Variants in ITPR3 observed in about 807,000 individuals in gnomAD.
The protein encoded by ITPR3 is inositol 1,4,5-trisphosphate receptor type 3.
ITPR3 carries 173 observed loss-of-function variants against 293.2 expected under a neutral mutation model. The observed-to-expected ratio is 0.59, with a 90% CI of 0.52 to 0.67. ITPR3 has a LOEUF of 0.67. Among genes scored for constraint, ITPR3 ranks in the 30% least tolerant of loss-of-function variants. The probability of loss-of-function intolerance (pLI) is 0.00; values close to 1 mark genes in which losing one functional copy is unlikely to be tolerated. For missense variants in ITPR3, 2,796 were observed against 3,592.1 expected (o/e 0.78, Z 5.66); for synonymous variants, 1,295 against 1,444.4 (o/e 0.90, Z 2.35).
In ITPR3 at chr6:33,672,836, A is replaced by G. The variant is rs1764804254; in HGVS notation, c.2928+608A>G. Among the ~76,000 whole-genome samples, 1 of 152,120 alleles carries G rather than the reference A, an allele frequency of 6.6e-6. No homozygotes were observed. The highest frequency in any genetic ancestry group is 1.5e-5 in the Non-Finnish European group (1 of 68,020). On this transcript the variant is annotated intron_variant, in intron 22 of 57. Transcript: ENST00000605930. This position sits in a 1 kb window ranked among gnomAD's most constrained non-coding sequence, Gnocchi z 5.0. ...GAGATTTAAGAACCTATTTCTTGGC[A>G]AGGTGGATGCAGTCATCCCTGTTGT...
intron 2 of ITPR3, among the ~76,000 whole-genome samples, chr6:33,640,846 TTGTC>T (rs1237597982): frequency 1.3e-5 from 2 of 152,242 alleles, no homozygotes; most frequent in African/African-American, 4.8e-5. Flanking sequence ...AGGGCTTTCT[TTGTC>T]TGTGTGACTG....
intron 56 of ITPR3, chr6:33,694,672 C>A (rs149898410): frequency 5.8e-6 from 3 of 517,148 alleles, no homozygotes; most frequent in Non-Finnish European, 1.0e-5. Context: ...GCAAAGGACT[C>A]AAACTCAGCT....
At position 33,687,708 on chromosome 6, in the gene ITPR3, T is replaced by G. The variant is rs1271604207; in HGVS notation, c.6264+144T>G. 4 of 698,638 alleles carry G rather than the reference T, an allele frequency of 5.7e-6. No individual in the cohort carries two copies. Among genetic ancestry groups the G allele is most frequent in the Non-Finnish European group, 9.7e-6 (4 of 411,792 alleles). 43.3% of individuals were successfully genotyped at this position (698,638 alleles called of 1,614,324 possible). A position where few individuals can be genotyped will look rare whatever the true frequency, so the allele number is the denominator to read the frequency against. ...TGGGGGTACAGCTCAGGGGGCTGAT[T>G]GGGACTGGCAGCCGTGGGTGAAACC... On this transcript the variant is annotated intron_variant, in intron 46 of 57. Coordinates refer to ENST00000605930, the MANE Select transcript of ITPR3 (RefSeq NM_002224.4). This position sits in a 1 kb window ranked among gnomAD's most constrained non-coding sequence, Gnocchi z 5.3.
intron 2 of ITPR3, among the ~76,000 whole-genome samples, chr6:33,651,399 A>AGTTTC (rs1764188493): frequency 6.6e-6 from 1 of 152,070 alleles, no homozygotes; most frequent in African/African-American, 2.4e-5. Flanking sequence ...AGCCCACTTG[A>AGTTTC]AGCCCAGGTC....
intron 2 of ITPR3, among the ~76,000 whole-genome samples, chr6:33,641,043 T>C (rs1041997564): frequency 6.6e-6 from 1 of 152,230 alleles, no homozygotes; most frequent in African/African-American, 2.4e-5. Flanking sequence ...AGTCCTGCCC[T>C]GCAGGAGGCT....
Position 33,658,540 on chromosome 6 carries a change from G to C in ITPR3, c.370-130G>C. Reference sequence around the variant, plus strand: ...AATGTGGGTGTCAGCCTGTATGTTTGTGACAGGTGTCTGACACTATGTGTG... The same window carrying C: ...AATGTGGGTGTCAGCCTGTATGTTTCTGACAGGTGTCTGACACTATGTGTG... On this transcript the variant is annotated intron_variant, in intron 4 of 57. Transcript: ENST00000605930. This position sits in a 1 kb window ranked among gnomAD's most constrained non-coding sequence, Gnocchi z 6.1. The C allele has an allele frequency of 9.1e-7, 1 of 1,096,358 alleles. No homozygotes were observed. Among genetic ancestry groups the C allele is most frequent in the Non-Finnish European group, 1.3e-6 (1 of 750,544 alleles). 67.9% of individuals were successfully genotyped at this position (1,096,358 alleles called of 1,614,324 possible).
intron 50 of ITPR3, 100 bp downstream of exon 50, chr6:33,689,510 C>T: frequency 7.5e-7 from 1 of 1,331,154 alleles, no homozygotes; most frequent in South Asian, 1.3e-5. Context: ...CTGCTCTGTC[C>T]CATCCCCTCC....
At chr6:33,636,177 C>T (rs1763819540) in intron 1 of ITPR3, among the ~76,000 whole-genome samples, 1 of 150,426 alleles carries the variant, frequency 6.6e-6, no homozygotes, top group Non-Finnish European at 1.5e-5. Flanking sequence ...TGGCAGGCAC[C>T]TGTAATCCCA....
In ITPR3 at chr6:33,691,097, A is replaced by C. The variant is rs1765376879; in HGVS notation, c.7213A>C (p.Asn2405His). Residue 2405 changes from asparagine to histidine, a missense_variant, in exon 52 of 58, where the codon AAC becomes CAC. By Grantham distance (68) the Asn-to-His change is moderately conservative. Coordinates refer to ENST00000605930, the MANE Select transcript of ITPR3 (RefSeq NM_002224.4). This position sits in a 1 kb window ranked among gnomAD's most constrained non-coding sequence, Gnocchi z 4.9. ...FILEVDRLPN[N>H]HSTASPLGMP... is the part of the protein sequence containing the mutation. ...TCTCGAGGTCGACCGGCTGCCCAACAACCACTCCACAGGTCTTGGAGGCTT... is the reference window on the plus strand; with the variant it reads ...TCTCGAGGTCGACCGGCTGCCCAACCACCACTCCACAGGTCTTGGAGGCTT... The C allele has an allele frequency of 6.2e-7, 1 of 1,613,922 alleles. No homozygotes were observed. The highest frequency in any genetic ancestry group is 1.3e-5 in the African/African-American group (1 of 74,980).
At position 33,663,070 on chromosome 6, in the gene ITPR3, C is replaced by T. The variant is rs1302964386; in HGVS notation, c.954+64C>T. 3.0e-6 allele frequency: 4 copies of T among 1,332,704 alleles called. No homozygotes were observed. In the African/African-American group the frequency reaches 4.3e-5, roughly 14 times the overall value. The allele number at this position is 1,332,704 out of a possible 1,614,324, so 82.6% of individuals were successfully genotyped here. The stretch of plus-strand genomic sequence containing the variant: ...GCATGTACACGTGGGTGTGCGGGAA[C>T]ATGTGTGCACATACTTGCATATGTG... On this transcript the variant is annotated intron_variant, in intron 9 of 57. Transcript: ENST00000605930.
At position 33,668,597 on chromosome 6, in the gene ITPR3, C is replaced by G; in HGVS notation, c.1969C>G (p.Leu657Val). The G allele has an allele frequency of 6.2e-7, 1 of 1,614,214 alleles. No homozygotes were observed. The highest frequency in any genetic ancestry group is 8.5e-7 in the Non-Finnish European group (1 of 1,180,032). ...VTQELICKCV[L>V]DPKNSDILIR... ...CCAAGAGCTCATCTGCAAGTGTGTG[C>G]TGGACCCCAAGAACAGTGACATTCT... Residue 657 changes from leucine (L) to valine (V), a missense_variant, in exon 17 of 58, where the codon CTG (leucine) becomes GTG (valine). Around this residue, in one of 8 missense-constraint regions of ITPR3, gnomAD observed 955 missense variants for 1,180.8 expected, o/e 0.81. Transcript: ENST00000605930.
chr6:33,655,881 G>A lies in ITPR3; in HGVS notation c.276G>A (p.Lys92=). ...TCGCTGATGTGGTGTTGCTGCAGAA[G>A]CTGCAGGTATGTGTGTGTGTGCAGG... ...EKIADVVLLQ[K]LQHAAQMEQK... The change falls in exon 3 of 58, where the codon AAG becomes AAA. Residue 92 remains lysine (K), a synonymous_variant. Transcript: ENST00000605930. This position sits in a 1 kb window ranked among gnomAD's most constrained non-coding sequence, Gnocchi z 4.9. 6.2e-7 allele frequency: 1 copy of A among 1,613,984 alleles called. No homozygotes were observed. The highest frequency in any genetic ancestry group is 8.5e-7 in the Non-Finnish European group (1 of 1,179,996).
rs374408651 is a variant in ITPR3 at position 33,684,474 on chromosome 6, C to T, written c.5046+9C>T. 409 of 1,613,054 alleles carry T rather than the reference C, an allele frequency of 2.5e-4. No homozygotes were observed. Among genetic ancestry groups the T allele is most frequent in the Non-Finnish European group, 3.2e-4 (381 of 1,179,128 alleles). The stretch of plus-strand genomic sequence containing the variant: ...CCAAGTACGGGGACCGGGTGAGTGC[C>T]CTGGTGGGGCAAGTGCTGGGTGGGC... On this transcript the variant is annotated intron_variant, in intron 37 of 57. Transcript: ENST00000605930. This position sits in a 1 kb window ranked among gnomAD's most constrained non-coding sequence, Gnocchi z 4.2.
Position 33,667,412 on chromosome 6 carries a change from G to C in ITPR3, c.1713+122G>C, listed in dbSNP as rs1764639591. The C allele has an allele frequency of 3.8e-6, 5 of 1,299,232 alleles. No individual in the cohort carries two copies. In the Middle Eastern group the frequency reaches 8.2e-4, roughly 212 times the overall value. The allele number at this position is 1,299,232 out of a possible 1,614,324, so 80.5% of individuals were successfully genotyped here. The stretch of plus-strand genomic sequence containing the variant: ...GGGCCTAGGGTCCAGTAGGGCACCA[G>C]ACAGCAGGGCCGGGTTCATGGGAAT... On this transcript the variant is annotated intron_variant, in intron 15 of 57. Transcript: ENST00000605930. The surrounding 1 kb of genome is among the most constrained non-coding windows in gnomAD (Gnocchi z 4.4).
chr6:33,650,126 C>T (rs1276070822), intron 2 of ITPR3, among the ~76,000 whole-genome samples: 1 of 152,190 alleles, frequency 6.6e-6, no homozygotes, highest in Non-Finnish European at 1.5e-5. Flanking sequence ...CTGTGTGGGC[C>T]CAGTCTCCTG....
chr6:33,695,560 C>G, intron 57 of ITPR3, 152 bp from the exon 58 acceptor site: 1 of 706,580 alleles, frequency 1.4e-6, no homozygotes. Context: ...CATCGACATC[C>G]TTAAAGCACC....
chr6:33,643,271 T>A (rs1763989781), intron 2 of ITPR3, among the ~76,000 whole-genome samples: 1 of 151,998 alleles, frequency 6.6e-6, no homozygotes, highest in Non-Finnish European at 1.5e-5. Context: ...GACTCCCAGC[T>A]CCCTGCCCGG....
rs774717196 is a variant in ITPR3, at chr6:33,664,925, A to G, written c.1204A>G (p.Asn402Asp). 35 of 1,613,442 alleles carry G rather than the reference A, an allele frequency of 2.2e-5. No homozygotes were observed. Among genetic ancestry groups the G allele is most frequent in the Non-Finnish European group, 2.6e-5 (31 of 1,179,860 alleles). Residue 402 changes from asparagine (N) to aspartate (D), a missense_variant, in exon 12 of 58, where the codon AAT (asparagine) becomes GAT (aspartate). By Grantham distance (23) the Asn-to-Asp change is conservative (BLOSUM62 1). Transcript: ENST00000605930. The surrounding 1 kb of genome is among the most constrained non-coding windows in gnomAD (Gnocchi z 4.4). ...CACCAACACGTGGATTCAGAGCACC[A>G]ATGTGCCCATTGACATCGAGGAGGA... is the stretch of plus-strand genomic sequence containing the variant. ...LCTNTWIQST[N>D]VPIDIEEERP...
chr6:33,640,047 GTCTT>G (rs1039624913), intron 1 of ITPR3, among the ~76,000 whole-genome samples: 1 of 152,066 alleles, frequency 6.6e-6, no homozygotes, highest in Non-Finnish European at 1.5e-5. Context: ...TATGCTTTTT[GTCTT>G]TCTGACTCTC....
Sources: allele counts gnomAD v4.1 joint callset (sites outside exome capture counted in the v4.1 genomes callset), GRCh38; gene constraint gnomAD v4.1.1; regional missense constraint gnomAD v4.1.1; non-coding constraint Gnocchi (gnomAD v3.1); transcripts MANE v1.5; gene names NCBI Gene and HGNC (gene_info 2026-07-23, HGNC 2026-07-21).